The following RAPSN variants were observed in gnomAD, a reference collection of about 807,000 sequenced individuals.
The protein encoded by RAPSN is 43 kDa receptor-associated protein of the synapse.
A neutral mutation model predicts 45.7 loss-of-function variants in RAPSN; 33 were observed. The observed-to-expected ratio is 0.72, with a 90% CI of 0.55 to 0.97. RAPSN has a LOEUF of 0.97. RAPSN is among the 50% of genes least tolerant of loss of function. The pLI, the probability that RAPSN is intolerant of heterozygous loss-of-function variation, is 0.00. For synonymous variants in RAPSN, 244 were observed against 233.6 expected (o/e 1.04, Z -0.40); for missense variants, 519 against 559.4 (o/e 0.93, Z 0.73).
chr11:47,438,012 T>C lies in RAPSN; in HGVS notation c.1202A>G (p.Asn401Ser), dbSNP rs937406014. Reference sequence around the variant, plus strand: ...AGGCTTCATGGATGAGCGGCGGCAGTTGGGACAGCTCCGGGTCCCGTTGTT... The same window carrying C: ...AGGCTTCATGGATGAGCGGCGGCAGCTGGGACAGCTCCGGGTCCCGTTGTT... ...LQNNGTRSCP[N>S]CRRSSMKPGF... is the part of the protein sequence containing the mutation. Residue 401 changes from asparagine (N) to serine (S), a missense_variant, in exon 8 of 8, where the codon AAC becomes AGC. Coordinates refer to ENST00000298854, the MANE Select transcript of RAPSN (RefSeq NM_005055.5). 4 of 1,550,118 alleles carry C rather than the reference T, an allele frequency of 2.6e-6. No individual in the cohort carries two copies. The highest frequency in any genetic ancestry group is 2.7e-5 in the African/African-American group (2 of 72,972).
At chr11:47,442,565 G>A in intron 3 of RAPSN, 91 bp downstream of exon 3, 10 of 1,469,922 alleles carry the variant, frequency 6.8e-6, no homozygotes, top group Non-Finnish European at 9.3e-6. Context: ...TCCATGGGCT[G>A]ATTTGGAAGA....
chr11:47,447,971 C>A lies in RAPSN; in HGVS notation c.372G>T (p.Gln124His). 1 of 1,613,890 alleles carries A rather than the reference C, an allele frequency of 6.2e-7. No individual in the cohort carries two copies. The highest frequency in any genetic ancestry group is 8.5e-7 in the Non-Finnish European group (1 of 1,179,980). The change falls in exon 2 of 8, where the codon CAG (glutamine) becomes CAT (histidine). Residue 124 changes from glutamine (Q) to histidine (H), a missense_variant. Transcript: ENST00000298854. ...AGGCATTGCCCATGCTCAGGCTGAC[C>A]TGGCCTCCGAGCTGGGCACCTGCCC... is the stretch of plus-strand genomic sequence containing the variant. Reference protein sequence around the residue: ...GTRAGAQLGGQVSLSMGNAFL... With the variant: ...GTRAGAQLGGHVSLSMGNAFL...
intron 6 of RAPSN, among the ~76,000 whole-genome samples, chr11:47,439,294 C>T (rs1404145025): frequency 2.0e-5 from 3 of 152,036 alleles, no homozygotes; most frequent in African/African-American, 7.2e-5. Context: ...GCCAACATGG[C>T]GAAACCCCAT....
At chr11:47,443,800 A>G (rs942518460) in intron 2 of RAPSN, among the ~76,000 whole-genome samples, 3 of 151,724 alleles carry the variant, frequency 2.0e-5, no homozygotes, top group Non-Finnish European at 4.4e-5. Context: ...ATAGTGGTGC[A>G]CGCCTGTAGT....
chr11:47,448,671 G>A, intron 1 of RAPSN, 102 bp downstream of exon 1: 1 of 1,464,278 alleles, frequency 6.8e-7, no homozygotes, highest in South Asian at 1.2e-5. Flanking sequence ...GCCAGCCTGT[G>A]GGACACAGGG....
chr11:47,440,891 C>A (rs1413335598), intron 6 of RAPSN, among the ~76,000 whole-genome samples: 2 of 152,134 alleles, frequency 1.3e-5, no homozygotes, highest in Non-Finnish European at 2.9e-5. Context: ...TGTGAGCCAC[C>A]ATGTCCAGCC....
At chr11:47,439,862 A>G (rs1225933052) in intron 6 of RAPSN, among the ~76,000 whole-genome samples, 5 of 151,676 alleles carry the variant, frequency 3.3e-5, no homozygotes, top group Non-Finnish European at 7.4e-5. Context: ...ACAGGCGTGC[A>G]CTACCACACC....
intron 2 of RAPSN, 106 bp from the exon 3 acceptor site, chr11:47,442,920 C>T: frequency 7.1e-6 from 11 of 1,559,208 alleles, no homozygotes; most frequent in Non-Finnish European, 8.7e-6. Flanking sequence ...GGCAGGGGGC[C>T]CGAGTGTCTG....
At chr11:47,442,925 T>C (rs1308571011) in intron 2 of RAPSN, 111 bp from the exon 3 acceptor site, 2 of 1,540,480 alleles carry the variant, frequency 1.3e-6, no homozygotes, top group Non-Finnish European at 1.8e-6. Context: ...GGGGCCCGAG[T>C]GTCTGCTCAT....
chr11:47,442,502 A>G (rs1307574367), intron 3 of RAPSN, among the ~76,000 whole-genome samples, 154 bp downstream of exon 3: 1 of 152,244 alleles, frequency 6.6e-6, no homozygotes, highest in Non-Finnish European at 1.5e-5. Context: ...TTAGCTGTGC[A>G]TGGTGGTGCA....
At chr11:47,445,084 A>C (rs2076394603) in intron 2 of RAPSN, among the ~76,000 whole-genome samples, 2 of 150,512 alleles carry the variant, frequency 1.3e-5, no homozygotes, top group Admixed American at 1.3e-4. Flanking sequence ...AAAAAAAATT[A>C]GCGGGGCGTG....
intron 3 of RAPSN, 65 bp downstream of exon 3, chr11:47,442,591 C>T (rs1419407644): frequency 1.3e-6 from 2 of 1,565,490 alleles, no homozygotes; most frequent in Admixed American, 1.8e-5. Context: ...GCCCTGCTGT[C>T]CCAGGCCCCA....
chr11:47,441,664 G>A lies in RAPSN; in HGVS notation c.859C>T (p.Gln287Ter). ...CACTTGGCCACACCCAGCAGCGCCT[G>A]CACCTGCCCCAGGCGGTTTCCGATC... is the stretch of plus-strand genomic sequence containing the variant. ...TEIGNRLGQV[Q>*]ALLGVAKCWV... The change falls in exon 5 of 8, where the codon CAG (glutamine) becomes TAG (stop). Residue 287 changes from glutamine to a stop codon, truncating the protein, a stop_gained. Coordinates refer to ENST00000298854, the MANE Select transcript of RAPSN (RefSeq NM_005055.5). LOFTEE classifies it high-confidence loss of function. 1 of 1,609,798 alleles carries A rather than the reference G, an allele frequency of 6.2e-7. No individual in the cohort carries two copies.
At chr11:47,443,161 C>T (rs112261189) in intron 2 of RAPSN, among the ~76,000 whole-genome samples, 6,467 of 152,264 alleles carry the variant, frequency 0.042, 116 homozygotes, top group Middle Eastern at 0.065. Context: ...ATGGGCTCCT[C>T]AGCTTCAGAG....
chr11:47,440,323 G>A (rs1287133310), intron 6 of RAPSN, among the ~76,000 whole-genome samples: 1 of 152,182 alleles, frequency 6.6e-6, no homozygotes, highest in Non-Finnish European at 1.5e-5. Flanking sequence ...TGTTACCCAG[G>A]CTGGAGTGCA....
In RAPSN at chr11:47,449,069, G is replaced by A. The variant is rs1043342696; in HGVS notation, c.-105C>T. 8.5e-6 allele frequency: 12 copies of A among 1,417,486 alleles called. No homozygotes were observed. In the South Asian group the frequency reaches 1.4e-4, roughly 16 times the overall value. The allele number at this position is 1,417,486 out of a possible 1,614,324, so 87.8% of individuals were successfully genotyped here. A position where few individuals can be genotyped will look rare whatever the true frequency, so the allele number is the denominator to read the frequency against. On this transcript the variant is annotated 5_prime_UTR_variant, in exon 1 of 8. Transcript: ENST00000298854. Reference sequence around the variant, plus strand: ...GTGCCAGCTGCCCCCCGAAACGTGGGAACAAAAGCAGCGTCGGGTGGGAGC... The same window carrying A: ...GTGCCAGCTGCCCCCCGAAACGTGGAAACAAAAGCAGCGTCGGGTGGGAGC...
Position 47,438,762 on chromosome 11 carries a change from G to C in RAPSN, c.1136C>G (p.Ala379Gly). 3.8e-6 allele frequency: 6 copies of C among 1,564,266 alleles called. No individual in the cohort carries two copies. The highest frequency in any genetic ancestry group is 5.2e-6 in the Non-Finnish European group (6 of 1,150,848). Residue 379 changes from alanine (A) to glycine (G), a missense_variant, in exon 7 of 8, where the codon GCC becomes GGC. Ala to Gly is a moderately conservative substitution (Grantham distance 60). Transcript: ENST00000298854. ...GTGGAAGATGTGGGAGCAAGGTAGG[G>C]CCTGCAGCCGGCTGTTCTTCTCGCC... is the stretch of plus-strand genomic sequence containing the variant. Reference protein sequence around the residue: ...SIGEKNSRLQALPCSHIFHLR... With the variant: ...SIGEKNSRLQGLPCSHIFHLR...
intron 2 of RAPSN, 75 bp from the exon 3 acceptor site, chr11:47,442,889 G>A: frequency 6.2e-7 from 1 of 1,603,242 alleles, no homozygotes; most frequent in Non-Finnish European, 8.5e-7. Flanking sequence ...CCTGGGCTAG[G>A]TTTCTCTAAC....
At position 47,447,830 on chromosome 11, in the gene RAPSN, G is replaced by A; in HGVS notation, c.513C>T (p.Ser171=). 1 of 1,612,772 alleles carries A rather than the reference G, an allele frequency of 6.2e-7. No homozygotes were observed. The highest frequency in any genetic ancestry group is 8.5e-7 in the Non-Finnish European group (1 of 1,179,574). ...LECRVCCSLG[S]FYAQVKDYEK... ...GGCCCACCTTGACCTGGGCATAGAA[G>A]CTGCCCAGGCTGCAGCACACGCGGC... The change falls in exon 2 of 8, where the codon AGC becomes AGT. Residue 171 remains serine, a synonymous_variant. Transcript: ENST00000298854.
Sources: allele counts gnomAD v4.1 joint callset (sites outside exome capture counted in the v4.1 genomes callset), GRCh38; gene constraint gnomAD v4.1.1; transcripts MANE v1.5; gene names NCBI Gene and HGNC (gene_info 2026-07-23, HGNC 2026-07-21).